The following EXT1 variants were observed in gnomAD, a reference collection of about 807,000 sequenced individuals.
The protein encoded by EXT1 is exostosin-1.
In EXT1, 20 loss-of-function variants were observed where a neutral mutation model predicts 82.5. The observed-to-expected ratio is 0.24, with a 90% CI of 0.17 to 0.35. The LOEUF is 0.35. EXT1 is among the 10% of genes least tolerant of loss of function. The pLI is 1.00. For synonymous variants in EXT1, 348 were observed against 350.8 expected, an observed-to-expected ratio of 0.99 and a Z score of 0.09; for missense variants, 757 against 936.5, an observed-to-expected ratio of 0.81 and a Z score of 2.50.
chr8:117,912,668 G>A (rs1302919479), intron 1 of EXT1, among the ~76,000 whole-genome samples: 1 of 152,154 alleles, frequency 6.6e-6, no homozygotes, highest in African/African-American at 2.4e-5. Context: ...AGTTTATTCT[G>A]GCTAGAGTGG....
intron 1 of EXT1, among the ~76,000 whole-genome samples, chr8:117,997,012 G>A (rs898814222): frequency 2.0e-5 from 3 of 152,130 alleles, no homozygotes; most frequent in African/African-American, 7.2e-5. Context: ...TAAAGTGCAA[G>A]ATGCCTTGAG....
chr8:117,953,052 C>G (rs1733095095), intron 1 of EXT1, among the ~76,000 whole-genome samples: 1 of 152,094 alleles, frequency 6.6e-6, no homozygotes, highest in South Asian at 2.1e-4. Flanking sequence ...TGCCTTTCTT[C>G]TTTTCATTCA....
At chr8:117,873,310 T>C (rs917414368) in intron 1 of EXT1, among the ~76,000 whole-genome samples, 1 of 152,192 alleles carries the variant, frequency 6.6e-6, no homozygotes, top group African/African-American at 2.4e-5. Context: ...GGTCAATTCA[T>C]AATAGTTGCC....
At chr8:117,862,810 C>T (rs1812708476) in intron 1 of EXT1, among the ~76,000 whole-genome samples, 2 of 145,232 alleles carry the variant, frequency 1.4e-5, no homozygotes, top group South Asian at 4.5e-4. Flanking sequence ...AATGCCCTCT[C>T]TGAAGAAGTG....
chr8:118,069,512 C>G (rs1235343739), intron 1 of EXT1, among the ~76,000 whole-genome samples: 2 of 152,020 alleles, frequency 1.3e-5, no homozygotes, highest in Non-Finnish European at 1.5e-5. Context: ...GATAAGAGAG[C>G]AAAAATTACA....
chr8:118,019,606 A>G (rs1006797391), intron 1 of EXT1, among the ~76,000 whole-genome samples: 5 of 152,224 alleles, frequency 3.3e-5, no homozygotes, highest in African/African-American at 1.2e-4. Context: ...CCTTGAAGTC[A>G]TCTCTAAGAT....
intron 1 of EXT1, among the ~76,000 whole-genome samples, chr8:118,055,141 A>G (rs1319230686): frequency 3.1e-4 from 47 of 152,102 alleles, no homozygotes; most frequent in Admixed American, 3.1e-3. Flanking sequence ...TCTTTTCCTT[A>G]CCATCCACTC....
intron 1 of EXT1, among the ~76,000 whole-genome samples, chr8:117,957,164 G>A (rs1384862504): frequency 6.6e-6 from 1 of 152,186 alleles, no homozygotes; most frequent in Non-Finnish European, 1.5e-5. Context: ...AGCCTCAAAA[G>A]TGCAGAGAAA....
chr8:118,093,188 C>T (rs17506273), intron 1 of EXT1, among the ~76,000 whole-genome samples: 1 of 149,968 alleles, frequency 6.7e-6, no homozygotes, highest in Admixed American at 6.7e-5. Flanking sequence ...CCCCCACCCC[C>T]CAAAAAAGCC....
At chr8:117,984,907 C>T (rs12543161) in intron 1 of EXT1, among the ~76,000 whole-genome samples, 40,420 of 151,880 alleles carry the variant, frequency 0.27, 5,590 homozygotes, top group Middle Eastern at 0.36. Context: ...AGCTTGGAAC[C>T]AGGTGCAGAC....
At chr8:118,084,210 A>T (rs1817381054) in intron 1 of EXT1, among the ~76,000 whole-genome samples, 1 of 152,150 alleles carries the variant, frequency 6.6e-6, no homozygotes, top group African/African-American at 2.4e-5. Flanking sequence ...CTAGACCAAG[A>T]CTGTCTGGTG....
intron 1 of EXT1, among the ~76,000 whole-genome samples, chr8:118,087,457 G>A (rs2607569): frequency 6.6e-6 from 1 of 152,198 alleles, no homozygotes; most frequent in African/African-American, 2.4e-5. Context: ...AACGTACGTA[G>A]AAGTTTGATG....
chr8:117,933,664 G>A (rs907499835), intron 1 of EXT1, among the ~76,000 whole-genome samples: 5 of 152,054 alleles, frequency 3.3e-5, no homozygotes, highest in South Asian at 2.1e-4. Flanking sequence ...TTACTGCTGC[G>A]TCCCATGCAC....
intron 1 of EXT1, among the ~76,000 whole-genome samples, chr8:117,842,258 G>C (rs896515315): frequency 3.3e-5 from 5 of 152,154 alleles, no homozygotes; most frequent in Admixed American, 6.5e-5. Context: ...TTTAATCCTA[G>C]TTTCTTGGTT....
intron 1 of EXT1, among the ~76,000 whole-genome samples, chr8:117,975,784 A>G (rs1815051709): frequency 6.6e-6 from 1 of 152,246 alleles, no homozygotes; most frequent in Non-Finnish European, 1.5e-5. Context: ...TTGTTGCTCA[A>G]ATAAATCCAT....
At chr8:117,866,156 CA>C (rs1305678039) in intron 1 of EXT1, among the ~76,000 whole-genome samples, 3 of 152,162 alleles carry the variant, frequency 2.0e-5, no homozygotes, top group Non-Finnish European at 4.4e-5. Flanking sequence ...ACCCGGGAGG[CA>C]GAGGTTGCAG....
chr8:117,830,018 A>G (rs1812072177), intron 4 of EXT1, among the ~76,000 whole-genome samples: 2 of 152,102 alleles, frequency 1.3e-5, no homozygotes, highest in Admixed American at 6.6e-5. Flanking sequence ...ATTTCTCCCC[A>G]TGTAGGTTTT....
chr8:118,067,330 G>C (rs983657510), intron 1 of EXT1, among the ~76,000 whole-genome samples: 2 of 152,234 alleles, frequency 1.3e-5, no homozygotes, highest in African/African-American at 4.8e-5. Flanking sequence ...TTATACTGCG[G>C]TTCTTACTTA....
At chr8:117,858,840 GGAAGGAAAGAAA>G (rs1563582215) in intron 1 of EXT1, among the ~76,000 whole-genome samples, 6 of 58,268 alleles carry the variant, frequency 1.0e-4, no homozygotes, top group African/African-American at 3.1e-4. Flanking sequence ...AAGGAAGGAA[GGAAGGAAAGAAA>G]GAAAGAAAGA....
Sources: allele counts gnomAD v4.1 joint callset (sites outside exome capture counted in the v4.1 genomes callset), GRCh38; gene constraint gnomAD v4.1.1; transcripts MANE v1.5; gene names NCBI Gene and HGNC (gene_info 2026-07-23, HGNC 2026-07-21).